The following HS2ST1 variants were observed in gnomAD, a reference collection of about 807,000 sequenced individuals.
The protein encoded by HS2ST1 is 2-O-sulfotransferase.
In HS2ST1, 18 loss-of-function variants were observed where a neutral mutation model predicts 42.9. The ratio of observed to expected loss-of-function variants is 0.42; its 90% confidence interval spans 0.29 to 0.62. The LOEUF (loss-of-function observed/expected upper bound fraction) is 0.62, where lower values mean the gene tolerates loss of function less well. HS2ST1 is among the 20% of genes least tolerant of loss of function. The pLI is 0.21. For missense variants in HS2ST1, 334 were observed against 433.8 expected (o/e 0.77, Z 2.04); for synonymous variants, 146 against 152.9 (o/e 0.95, Z 0.33).
intron 1 of HS2ST1, among the ~76,000 whole-genome samples, chr1:86,935,971 G>A (rs558038079): frequency 6.6e-6 from 1 of 152,234 alleles, no homozygotes; most frequent in South Asian, 2.1e-4. Flanking sequence ...ATCGATGGTG[G>A]TATGATACTA....
chr1:87,007,969 T>A (rs562262471), intron 1 of HS2ST1, among the ~76,000 whole-genome samples: 22 of 152,284 alleles, frequency 1.4e-4, no homozygotes, highest in South Asian at 6.2e-4. Flanking sequence ...GTTATTTTTT[T>A]AAAAAATTTT....
In HS2ST1 at chr1:87,061,785, C is replaced by T. The variant is rs114099253; in HGVS notation, c.125-11149C>T. Reference sequence around the variant, plus strand: ...AGAATTACTGAGGTATTTGGTAATTCTGTTTAACTTTTTTGAGAAACTGCC... The same window carrying T: ...AGAATTACTGAGGTATTTGGTAATTTTGTTTAACTTTTTTGAGAAACTGCC... On this transcript the variant is annotated intron_variant, in intron 1 of 6. Coordinates refer to ENST00000370550, the MANE Select transcript of HS2ST1 (RefSeq NM_012262.4). Among the ~76,000 whole-genome samples, 306 of 152,090 alleles carry T rather than the reference C, an allele frequency of 2.0e-3. 1 individual carries two copies. The highest frequency in any genetic ancestry group is 7.1e-3 in the African/African-American group (294 of 41,488).
chr1:87,044,976 C>A, intron 1 of HS2ST1: 1 of 1,597,372 alleles, frequency 6.3e-7, no homozygotes, highest in Non-Finnish European at 8.6e-7. Context: ...CTGTTCTATA[C>A]GTGACCTCTT....
intron 1 of HS2ST1, among the ~76,000 whole-genome samples, chr1:87,063,329 C>T (rs966479413): frequency 2.0e-5 from 3 of 151,928 alleles, no homozygotes; most frequent in Non-Finnish European, 4.4e-5. Flanking sequence ...TATTTTAGTT[C>T]GTGTATTTCC....
At chr1:86,963,625 A>G (rs1647924620) in intron 1 of HS2ST1, among the ~76,000 whole-genome samples, 1 of 152,112 alleles carries the variant, frequency 6.6e-6, no homozygotes, top group African/African-American at 2.4e-5. Flanking sequence ...TCTATTCAAC[A>G]AAACCGCCAT....
At position 87,098,052 on chromosome 1, in the gene HS2ST1, CAT is replaced by C; in HGVS notation, c.686+118_686+119del. On this transcript the variant is annotated intron_variant, in intron 5 of 6. Coordinates refer to ENST00000370550, the MANE Select transcript of HS2ST1 (RefSeq NM_012262.4). ...CGGTGAAAGACTAGACTAAAAATAA[CAT>C]GTAATTCAGTAATATCTAGTTTTGC... 3.4e-6 allele frequency: 5 copies of C among 1,491,034 alleles called. No individual in the cohort carries two copies. The South Asian group carries it at 4.1e-5, about 12-fold the overall frequency. The allele number at this position is 1,491,034 out of a possible 1,614,324, so 92.4% of individuals were successfully genotyped here.
rs147039703 is a variant in HS2ST1 at position 86,976,704 on chromosome 1, GTA to G, written c.124+61560_124+61561del. ...AAATCCATCTTTTCTTTATAAAATT[GTA>G]TATATATATATATATTTTAAATGCC... On this transcript the variant is annotated intron_variant, in intron 1 of 6. Transcript: ENST00000370550. Among the ~76,000 whole-genome samples the G allele has an allele frequency of 1.4e-4, 11 of 79,680 alleles. No individual in the cohort carries two copies. In the East Asian group the frequency reaches 2.5e-3, roughly 18 times the overall value. The allele number at this position is 79,680 out of a possible 152,430, so 52.3% of individuals were successfully genotyped here. A position where few individuals can be genotyped will look rare whatever the true frequency, so the allele number is the denominator to read the frequency against.
chr1:86,988,663 ATTTG>A (rs1648859525), intron 1 of HS2ST1, among the ~76,000 whole-genome samples: 1 of 152,182 alleles, frequency 6.6e-6, no homozygotes, highest in South Asian at 2.1e-4. Flanking sequence ...GAGCTAAGAG[ATTTG>A]TTTTCACTTT....
chr1:86,917,632 G>A (rs1316748286), intron 1 of HS2ST1, among the ~76,000 whole-genome samples: 1 of 152,198 alleles, frequency 6.6e-6, no homozygotes, highest in Non-Finnish European at 1.5e-5. Flanking sequence ...GCAGAGCCAG[G>A]ATTGCAACCC....
At chr1:87,080,486 A>G (rs529289005) in intron 2 of HS2ST1, among the ~76,000 whole-genome samples, 1 of 152,266 alleles carries the variant, frequency 6.6e-6, no homozygotes, top group African/African-American at 2.4e-5. Flanking sequence ...GTTAAAGCAG[A>G]ATCATGATAT....
At chr1:87,072,438 A>G (rs1363634701) in intron 1 of HS2ST1, among the ~76,000 whole-genome samples, 2 of 152,216 alleles carry the variant, frequency 1.3e-5, no homozygotes, top group Non-Finnish European at 2.9e-5. Flanking sequence ...TTCTTAAATT[A>G]TAAGTAATTT....
chr1:86,995,354 A>T (rs1649069068), intron 1 of HS2ST1, among the ~76,000 whole-genome samples: 1 of 152,334 alleles, frequency 6.6e-6, no homozygotes, highest in African/African-American at 2.4e-5. Flanking sequence ...GATGAATATT[A>T]ATAATTTACC....
intron 1 of HS2ST1, among the ~76,000 whole-genome samples, chr1:86,958,016 C>T (rs1294103991): frequency 2.0e-5 from 3 of 152,156 alleles, no homozygotes; most frequent in African/African-American, 4.8e-5. Flanking sequence ...TGTTCTCGAA[C>T]TCCTGACCAC....
chr1:86,970,454 G>A (rs528774816), intron 1 of HS2ST1, among the ~76,000 whole-genome samples: 1 of 152,156 alleles, frequency 6.6e-6, no homozygotes, highest in Non-Finnish European at 1.5e-5. Context: ...AGGCTGGAGT[G>A]CAGTGGCATG....
intron 1 of HS2ST1, among the ~76,000 whole-genome samples, chr1:86,958,273 A>G (rs575540172): frequency 3.9e-5 from 6 of 152,338 alleles, no homozygotes; most frequent in African/African-American, 1.4e-4. Context: ...CACTTAACAC[A>G]AATTTTGTGT....
At chr1:87,057,478 A>G (rs1650998772) in intron 1 of HS2ST1, among the ~76,000 whole-genome samples, 1 of 151,528 alleles carries the variant, frequency 6.6e-6, no homozygotes, top group South Asian at 2.1e-4. Context: ...TTTAGGGCCT[A>G]TATGCACTCT....
At chr1:86,949,550 A>G (rs1405265304) in intron 1 of HS2ST1, among the ~76,000 whole-genome samples, 1 of 152,208 alleles carries the variant, frequency 6.6e-6, no homozygotes, top group Non-Finnish European at 1.5e-5. Context: ...ACCCTGGGTG[A>G]CAGAGCGAGA....
Position 86,914,955 on chromosome 1 carries a change from G to A in HS2ST1, c.-82G>A. Reference sequence around the variant, plus strand: ...TCTTTGCCTCGCTCCCGGCTCGGCGGGCTCCTCCCGGCGTCTCTCTCGCCT... The same window carrying A: ...TCTTTGCCTCGCTCCCGGCTCGGCGAGCTCCTCCCGGCGTCTCTCTCGCCT... On this transcript the variant is annotated 5_prime_UTR_variant, in exon 1 of 7. Transcript: ENST00000370550. 7 of 1,553,954 alleles carry A rather than the reference G, an allele frequency of 4.5e-6. No homozygotes were observed. The highest frequency in any genetic ancestry group is 1.1e-5 in the South Asian group (1 of 88,086).
intron 1 of HS2ST1, among the ~76,000 whole-genome samples, chr1:87,012,966 C>T (rs1466784136): frequency 6.6e-6 from 1 of 152,202 alleles, no homozygotes; most frequent in Non-Finnish European, 1.5e-5. Flanking sequence ...GTGGGCTTCC[C>T]CATGGTCTTG....
Sources: gnomAD v4.1 joint callset for allele counts (sites outside exome capture counted in the v4.1 genomes callset) on GRCh38, gnomAD v4.1.1 for gene constraint, MANE v1.5 for transcripts, NCBI Gene and HGNC (gene_info 2026-07-23, HGNC 2026-07-21) for gene names.